The following CIAPIN1 variants were observed in gnomAD, a reference collection of about 807,000 sequenced individuals.
CIAPIN1 encodes cytokine induced apoptosis inhibitor 1, also known as anamorsin.
CIAPIN1 carries 18 observed loss-of-function variants against 34.3 expected under a neutral mutation model. The observed-to-expected ratio is 0.52, with a 90% confidence interval of 0.36 to 0.78. The LOEUF (loss-of-function observed/expected upper bound fraction) is 0.78, where lower values mean the gene tolerates loss of function less well. Ranked by LOEUF, CIAPIN1 falls within the 30% of genes least tolerant of loss-of-function variation. The pLI is 0.00. For synonymous variants in CIAPIN1, 131 were observed against 140.4 expected, an observed-to-expected ratio of 0.93 and a Z score of 0.47; for missense variants, 310 against 372.5, an observed-to-expected ratio of 0.83 and a Z score of 1.38.
intron 1 of CIAPIN1, among the ~76,000 whole-genome samples, chr16:57,442,746 T>G (rs1252777647): frequency 6.6e-6 from 1 of 152,192 alleles, no homozygotes; most frequent in African/African-American, 2.4e-5. Context: ...ATGTTAAATA[T>G]TTAACACTCA....
chr16:57,430,929 C>T (rs1455063480), intron 7 of CIAPIN1, among the ~76,000 whole-genome samples: 1 of 151,898 alleles, frequency 6.6e-6, no homozygotes, highest in East Asian at 1.9e-4. Flanking sequence ...ACCTCCCAGG[C>T]TCAAGTGATC....
intron 3 of CIAPIN1, among the ~76,000 whole-genome samples, chr16:57,438,035 C>G (rs1463658674): frequency 6.6e-6 from 1 of 152,072 alleles, no homozygotes; most frequent in African/African-American, 2.4e-5. Context: ...TGAATAGTTC[C>G]TTTTTTATCT....
rs1903273517 is a variant in CIAPIN1, at chr16:57,439,288, G to T, written c.204C>A (p.Val68=). 1.2e-6 allele frequency: 2 copies of T among 1,614,028 alleles called. No homozygotes were observed. Among genetic ancestry groups the T allele is most frequent in the Non-Finnish European group, 1.7e-6 (2 of 1,180,042 alleles). ...CACTGTGCAGAGTGGTGCTTCCTGG[G>T]ACTAAACCTGACAAAATAATGTCAA... ...SSFDIILSGL[V]PGSTTLHSAE... The change falls in exon 3 of 9, where the codon GTC becomes GTA. Residue 68 remains valine (V), a synonymous_variant. Transcript: ENST00000394391.
chr16:57,443,218 C>A (rs1373303774), intron 1 of CIAPIN1, among the ~76,000 whole-genome samples: 4 of 149,574 alleles, frequency 2.7e-5, no homozygotes, highest in Non-Finnish European at 5.9e-5. Context: ...TGGCTCACCA[C>A]AACCTCTGCC....
rs1301690281 is a variant in CIAPIN1, at chr16:57,428,436, T to C, written c.*734A>G. 1 of 152,214 alleles carries C rather than the reference T, an allele frequency of 6.6e-6. No homozygotes were observed. Among genetic ancestry groups the C allele is most frequent in the African/African-American group, 2.4e-5 (1 of 41,434 alleles). The allele number at this position is 152,214 out of a possible 1,614,324, so 9.4% of individuals were successfully genotyped here. A position where few individuals can be genotyped will look rare whatever the true frequency, so the allele number is the denominator to read the frequency against. On this transcript the variant is annotated 3_prime_UTR_variant, in exon 9 of 9. Coordinates refer to ENST00000394391, the MANE Select transcript of CIAPIN1 (RefSeq NM_020313.4). ...TATTCTAAGCGTAGGAATAGCCCCA[T>C]TTGTGCGTGACACTAAGTTCCTCCA...
chr16:57,429,747 C>T (rs1181913780), intron 8 of CIAPIN1, among the ~76,000 whole-genome samples: 1 of 150,434 alleles, frequency 6.6e-6, no homozygotes, highest in Non-Finnish European at 1.5e-5. Context: ...CCTCCTTGGC[C>T]TCCCAAAGTG....
chr16:57,445,902 A>G (rs172780), intron 1 of CIAPIN1, among the ~76,000 whole-genome samples: 25,111 of 132,012 alleles, frequency 0.19, 2,744 homozygotes, highest in African/African-American at 0.35. Context: ...CTGGAGTGCA[A>G]TGGCACAATC....
intron 3 of CIAPIN1, among the ~76,000 whole-genome samples, chr16:57,438,224 T>G (rs1903246636): frequency 1.3e-5 from 2 of 152,234 alleles, no homozygotes; most frequent in African/African-American, 4.8e-5. Flanking sequence ...ATGTTTTGAC[T>G]GAAAGTCTAG....
intron 4 of CIAPIN1, among the ~76,000 whole-genome samples, chr16:57,435,399 C>T (rs1434384140): frequency 2.6e-5 from 4 of 152,170 alleles, no homozygotes; most frequent in Non-Finnish European, 5.9e-5. Context: ...TTTATAGGAA[C>T]AGAAGAATGG....
chr16:57,439,847 T>C (rs1382794993), intron 2 of CIAPIN1, among the ~76,000 whole-genome samples: 2 of 152,198 alleles, frequency 1.3e-5, no homozygotes, highest in Admixed American at 6.5e-5. Flanking sequence ...CCTGTGATGA[T>C]TGCGTTAACT....
At chr16:57,445,974 T>C (rs540391136) in intron 1 of CIAPIN1, among the ~76,000 whole-genome samples, 1 of 148,156 alleles carries the variant, frequency 6.7e-6, no homozygotes, top group Non-Finnish European at 1.5e-5. Flanking sequence ...GCCTCCCAAA[T>C]AGCTGGGATT....
At chr16:57,440,021 G>T (rs757516836) in intron 2 of CIAPIN1, among the ~76,000 whole-genome samples, 1 of 152,222 alleles carries the variant, frequency 6.6e-6, no homozygotes, top group Non-Finnish European at 1.5e-5. Flanking sequence ...TCTTACAAAA[G>T]TGAATAGGAG....
chr16:57,441,099 TATA>T, intron 1 of CIAPIN1, 116 bp from the exon 2 acceptor site: 2 of 608,120 alleles, frequency 3.3e-6, no homozygotes, highest in Non-Finnish European at 2.8e-6. Flanking sequence ...AACTCTACTG[TATA>T]TGCTAAAGAG....
intron 4 of CIAPIN1, among the ~76,000 whole-genome samples, chr16:57,435,611 A>G (rs1903181972): frequency 6.6e-6 from 1 of 152,128 alleles, no homozygotes; most frequent in African/African-American, 2.4e-5. Context: ...TGGCCAACAT[A>G]GCGAAACCCC....
chr16:57,435,719 A>C (rs1903185357), intron 4 of CIAPIN1, among the ~76,000 whole-genome samples: 1 of 152,164 alleles, frequency 6.6e-6, no homozygotes, highest in Non-Finnish European at 1.5e-5. Flanking sequence ...GCTTGAACCC[A>C]GGAGGCGGAT....
intron 2 of CIAPIN1, among the ~76,000 whole-genome samples, chr16:57,439,769 G>A (rs1461245386): frequency 6.6e-6 from 1 of 152,192 alleles, no homozygotes; most frequent in African/African-American, 2.4e-5. Context: ...GATTTCCTAT[G>A]CCTGTCTTTA....
intron 3 of CIAPIN1, 69 bp from the exon 4 acceptor site, chr16:57,436,801 C>G: frequency 7.6e-7 from 1 of 1,316,108 alleles, no homozygotes; most frequent in Admixed American, 1.8e-5. Flanking sequence ...AGGCTCAATC[C>G]TATATGGGTT....
At chr16:57,435,530 C>A (rs748357202) in intron 4 of CIAPIN1, among the ~76,000 whole-genome samples, 7 of 152,062 alleles carry the variant, frequency 4.6e-5, no homozygotes, top group Admixed American at 4.6e-4. Context: ...GCCTGGCTCA[C>A]GCCTGTAATA....
At position 57,432,523 on chromosome 16, in the gene CIAPIN1, C is replaced by T; in HGVS notation, c.594G>A (p.Trp198Ter). The change falls in exon 6 of 9, where the codon TGG (tryptophan) becomes TGA (stop). Residue 198 changes from tryptophan (W) to a stop codon, truncating the protein, a stop_gained. Transcript: ENST00000394391. LOFTEE classifies it high-confidence loss of function. ...PAVDPAAAKL[W>*]TLSANDMEDD... ...CCTCCATATCGTTGGCTGAGAGGGT[C>T]CACAGCTTGGCAGCAGCAGGGTCCA... The T allele has an allele frequency of 6.2e-7, 1 of 1,613,360 alleles. No homozygotes were observed. Among genetic ancestry groups the T allele is most frequent in the Admixed American group, 1.7e-5 (1 of 60,024 alleles).
Sources: gnomAD v4.1 joint callset for allele counts (sites outside exome capture counted in the v4.1 genomes callset) on GRCh38, gnomAD v4.1.1 for gene constraint, MANE v1.5 for transcripts, NCBI Gene and HGNC (gene_info 2026-07-23, HGNC 2026-07-21) for gene names.